LHFPL6: variants seen among roughly 807,000 people sequenced by gnomAD.
LHFPL6 encodes the protein LHFPL tetraspan subfamily member 6.
Under a neutral mutation model 20.6 loss-of-function variants are expected in LHFPL6, and 9 were observed. That is an observed-to-expected ratio of 0.44 (90% CI 0.26 to 0.76). LHFPL6 has a LOEUF of 0.76. Ranked by LOEUF, LHFPL6 falls within the 30% of genes least tolerant of loss-of-function variation. The probability of loss-of-function intolerance (pLI) is 0.20; values close to 1 mark genes in which losing one functional copy is unlikely to be tolerated. For synonymous variants in LHFPL6, 105 were observed against 98.7 expected, an observed-to-expected ratio of 1.06 and a Z score of -0.38; for missense variants, 218 against 253.5, an observed-to-expected ratio of 0.86 and a Z score of 0.95.
intron 3 of LHFPL6, among the ~76,000 whole-genome samples, chr13:39,356,707 C>T (rs553015168): frequency 2.0e-5 from 3 of 152,258 alleles, no homozygotes; most frequent in South Asian, 2.1e-4. Context: ...CACAGAAATA[C>T]GAAAGACTCT....
chr13:39,484,881 T>C (rs1166689107), intron 2 of LHFPL6, among the ~76,000 whole-genome samples: 2 of 152,192 alleles, frequency 1.3e-5, no homozygotes, highest in African/African-American at 4.8e-5. Flanking sequence ...GGTGACTGCC[T>C]ACCATCTTCC....
intron 3 of LHFPL6, among the ~76,000 whole-genome samples, chr13:39,369,320 C>T (rs1444755278): frequency 6.6e-6 from 1 of 152,054 alleles, no homozygotes; most frequent in Admixed American, 6.6e-5. Context: ...ATGATCCACA[C>T]TGAAATAACC....
chr13:39,565,672 G>A lies in LHFPL6; in HGVS notation c.385+35160C>T, dbSNP rs1330041828. On this transcript the variant is annotated intron_variant, in intron 2 of 3. Coordinates refer to ENST00000379589, the MANE Select transcript of LHFPL6 (RefSeq NM_005780.3). ...AACAGAACATTCTATGTATAATCTC[G>A]TAAAACTGTAAATTCCTGGCAGAGT... Among the ~76,000 whole-genome samples, 3 of 152,336 alleles carry A rather than the reference G, an allele frequency of 2.0e-5. No individual in the cohort carries two copies. In the South Asian group the frequency reaches 6.2e-4, roughly 32 times the overall value.
At chr13:39,473,796 C>A (rs1487371035) in intron 2 of LHFPL6, among the ~76,000 whole-genome samples, 1 of 152,196 alleles carries the variant, frequency 6.6e-6, no homozygotes, top group Admixed American at 6.5e-5. Context: ...CAAAGAGCAA[C>A]TTTAAGACTG....
At chr13:39,429,872 A>C (rs892638196) in intron 2 of LHFPL6, among the ~76,000 whole-genome samples, 1 of 152,248 alleles carries the variant, frequency 6.6e-6, no homozygotes, top group Non-Finnish European at 1.5e-5. Context: ...ACCTCTCTGC[A>C]GCATTTGACA....
At chr13:39,482,136 G>T (rs980268899) in intron 2 of LHFPL6, among the ~76,000 whole-genome samples, 1 of 152,132 alleles carries the variant, frequency 6.6e-6, no homozygotes, top group Non-Finnish European at 1.5e-5. Flanking sequence ...AGCACTGGAT[G>T]GAATCATATA....
intron 2 of LHFPL6, among the ~76,000 whole-genome samples, chr13:39,492,718 G>A (rs527639782): frequency 6.6e-6 from 1 of 152,150 alleles, no homozygotes; most frequent in Non-Finnish European, 1.5e-5. Flanking sequence ...AGGCTGGAGT[G>A]CAATGACATG....
At chr13:39,600,372 AT>A (rs1414527912) in intron 2 of LHFPL6, among the ~76,000 whole-genome samples, 4 of 152,234 alleles carry the variant, frequency 2.6e-5, no homozygotes, top group Non-Finnish European at 4.4e-5. Flanking sequence ...GCAAGAGTAA[AT>A]TTTGCATCCA....
intron 2 of LHFPL6, among the ~76,000 whole-genome samples, chr13:39,384,949 T>C (rs1054058058): frequency 6.6e-6 from 1 of 152,156 alleles, no homozygotes; most frequent in Non-Finnish European, 1.5e-5. Context: ...CAGAGGAAGG[T>C]GGGAACCAAG....
chr13:39,381,251 G>A (rs1870429345), intron 2 of LHFPL6, among the ~76,000 whole-genome samples: 1 of 152,142 alleles, frequency 6.6e-6, no homozygotes, highest in Non-Finnish European at 1.5e-5. Context: ...ATGAAGTCAT[G>A]AAAACACCTA....
At chr13:39,574,801 G>C (rs572962943) in intron 2 of LHFPL6, among the ~76,000 whole-genome samples, 2 of 152,282 alleles carry the variant, frequency 1.3e-5, no homozygotes, top group African/African-American at 4.8e-5. Context: ...GCCAGGAGTG[G>C]TGGCTCACGC....
At chr13:39,574,337 C>T (rs896560687) in intron 2 of LHFPL6, among the ~76,000 whole-genome samples, 2 of 152,000 alleles carry the variant, frequency 1.3e-5, no homozygotes, top group South Asian at 4.2e-4. Context: ...AAAAAATTAG[C>T]CAGATGTGGT....
At chr13:39,406,457 T>C (rs9576787) in intron 2 of LHFPL6, among the ~76,000 whole-genome samples, 41,761 of 152,042 alleles carry the variant, frequency 0.27, 6,070 homozygotes, top group East Asian at 0.4. Context: ...TTTAAACTTA[T>C]ATTTATAAAG....
intron 3 of LHFPL6, among the ~76,000 whole-genome samples, chr13:39,371,442 T>C (rs1366832891): frequency 3.0e-4 from 46 of 152,218 alleles, no homozygotes; most frequent in Non-Finnish European, 1.5e-5. Context: ...AGAATAAAGA[T>C]TGATCAGCCA....
chr13:39,447,243 C>A (rs1251717464), intron 2 of LHFPL6, among the ~76,000 whole-genome samples: 1 of 152,148 alleles, frequency 6.6e-6, no homozygotes, highest in East Asian at 1.9e-4. Context: ...TGAGTGTGCC[C>A]ATTTAGTACA....
intron 2 of LHFPL6, among the ~76,000 whole-genome samples, chr13:39,584,502 GCAA>G (rs1482893475): frequency 1.4e-5 from 2 of 142,042 alleles, no homozygotes; most frequent in Non-Finnish European, 3.0e-5. Context: ...TCCAGCCTGG[GCAA>G]CAACAGTGAA....
At chr13:39,546,680 C>T (rs937244471) in intron 2 of LHFPL6, among the ~76,000 whole-genome samples, 1 of 152,036 alleles carries the variant, frequency 6.6e-6, no homozygotes, top group Admixed American at 6.5e-5. Context: ...TTGACTCCAC[C>T]CCATCTCTAT....
intron 2 of LHFPL6, among the ~76,000 whole-genome samples, chr13:39,496,443 G>A (rs1325588620): frequency 1.3e-5 from 2 of 152,108 alleles, no homozygotes; most frequent in African/African-American, 2.4e-5. Context: ...ACATCCAGAC[G>A]ACAGCACCTT....
intron 3 of LHFPL6, among the ~76,000 whole-genome samples, chr13:39,373,441 C>G (rs948436312): frequency 2.6e-5 from 4 of 152,208 alleles, no homozygotes; most frequent in African/African-American, 4.8e-5. Flanking sequence ...CTACGCATTC[C>G]CATTCTATGT....
Sources: gnomAD v4.1 joint callset for allele counts (sites outside exome capture counted in the v4.1 genomes callset) on GRCh38, gnomAD v4.1.1 for gene constraint, MANE v1.5 for transcripts, NCBI Gene and HGNC (gene_info 2026-07-23, HGNC 2026-07-21) for gene names.